PRSS3: variants seen among roughly 807,000 people sequenced by gnomAD.
The protein encoded by PRSS3 is trypsin-3.
In PRSS3, 14 loss-of-function variants were observed where a neutral mutation model predicts 20.8. That is an observed-to-expected ratio of 0.67 (90% CI 0.44 to 1.05). The LOEUF (loss-of-function observed/expected upper bound fraction) is 1.05, where lower values mean the gene tolerates loss of function less well. Ranked by LOEUF, PRSS3 falls within the 50% of genes least tolerant of loss-of-function variation. The pLI is 0.00. For missense variants in PRSS3, 237 were observed against 306.4 expected, an observed-to-expected ratio of 0.77 and a Z score of 1.69; for synonymous variants, 91 against 117.6, an observed-to-expected ratio of 0.77 and a Z score of 1.46.
At chr9:33,761,047 G>A (rs751092292) in intron 1 of PRSS3, among the ~76,000 whole-genome samples, 1 of 152,322 alleles carries the variant, frequency 6.6e-6, no homozygotes, top group African/African-American at 2.4e-5. Flanking sequence ...TGTGCTATGC[G>A]CTAGGACTGC....
At position 33,775,412 on chromosome 9, in the gene PRSS3, T is replaced by C. The variant is rs376577006; in HGVS notation, c.-52-19334T>C. On this transcript the variant is annotated intron_variant, in intron 1 of 5. Coordinates refer to the PRSS3 transcript ENST00000342836. ...TAACATGGGAATGAACACTTGGAAATGAGCAGGACAAATCCACAGCTTCGC... is the reference window on the plus strand; with the variant it reads ...TAACATGGGAATGAACACTTGGAAACGAGCAGGACAAATCCACAGCTTCGC... Among the ~76,000 whole-genome samples, 4 of 152,176 alleles carry C rather than the reference T, an allele frequency of 2.6e-5. No homozygotes were observed. In the South Asian group the frequency reaches 8.3e-4, roughly 32 times the overall value.
chr9:33,768,569 C>T (rs1191189491), intron 1 of PRSS3, among the ~76,000 whole-genome samples: 8 of 150,400 alleles, frequency 5.3e-5, no homozygotes, highest in Admixed American at 1.3e-4. Flanking sequence ...AGAGAAAGCA[C>T]CTATCAGCTG....
At chr9:33,770,313 C>T (rs1823627664) in intron 1 of PRSS3, among the ~76,000 whole-genome samples, 1 of 152,172 alleles carries the variant, frequency 6.6e-6, no homozygotes. Context: ...TAAAGGTTCA[C>T]AGCTGGAGAA....
intron 1 of PRSS3, among the ~76,000 whole-genome samples, chr9:33,755,501 T>G (rs1305079466): frequency 6.6e-6 from 1 of 152,198 alleles, no homozygotes. Flanking sequence ...GATGACGGTT[T>G]GCTCCTTTAC....
chr9:33,750,965 T>A lies in PRSS3; in HGVS notation c.-53+238T>A. The A allele has an allele frequency of 9.9e-7, 1 of 1,009,054 alleles. No individual in the cohort carries two copies. The highest frequency in any genetic ancestry group is 1.3e-6 in the Non-Finnish European group (1 of 766,892). The allele number at this position is 1,009,054 out of a possible 1,614,324, so 62.5% of individuals were successfully genotyped here. On this transcript the variant is annotated intron_variant, in intron 1 of 5. Coordinates refer to the PRSS3 transcript ENST00000342836. This position sits in a 1 kb window ranked among gnomAD's most constrained non-coding sequence, Gnocchi z 4.8. Reference sequence around the variant, plus strand: ...GGCCCTGGTGTCGCAGAAGCCCACCTGGGGCCCCCTCCGGGCTGCGGCACC... The same window carrying A: ...GGCCCTGGTGTCGCAGAAGCCCACCAGGGGCCCCCTCCGGGCTGCGGCACC...
Position 33,775,685 on chromosome 9 carries a change from T to G in PRSS3, c.-52-19061T>G, listed in dbSNP as rs546557550. On this transcript the variant is annotated intron_variant, in intron 1 of 5. Transcript: ENST00000342836. ...CAGATCAACTAACAGGGGCTGGAAATGCAATGGGCTTGAAGTTTTTTTTTT... is the reference window on the plus strand; with the variant it reads ...CAGATCAACTAACAGGGGCTGGAAAGGCAATGGGCTTGAAGTTTTTTTTTT... Among the ~76,000 whole-genome samples the G allele has an allele frequency of 4.0e-5, 6 of 150,118 alleles. 1 individual carries two copies. In the East Asian group the frequency reaches 7.8e-4, roughly 20 times the overall value.
rs142082180 is a variant in PRSS3, at chr9:33,797,911, C to G, written c.283C>G (p.Arg95Gly). The change falls in exon 3 of 5, where the codon CGC becomes GGC. Residue 95 changes from arginine to glycine, a missense_variant. By Grantham distance (125) the Arg-to-Gly change is moderately radical. Coordinates refer to ENST00000379405, the MANE Select transcript of PRSS3 (RefSeq NM_002771.4). ...EQFINAAKII[R>G]HPKYNRDTLD... Reference sequence around the variant, plus strand: ...GTTCATCAATGCGGCCAAGATCATCCGCCACCCTAAATACAACAGGGACAC... The same window carrying G: ...GTTCATCAATGCGGCCAAGATCATCGGCCACCCTAAATACAACAGGGACAC... 6.2e-7 allele frequency: 1 copy of G among 1,614,154 alleles called. No homozygotes were observed. The highest frequency in any genetic ancestry group is 1.7e-5 in the Admixed American group (1 of 60,032).
intron 1 of PRSS3, among the ~76,000 whole-genome samples, chr9:33,776,260 T>G (rs1208217765): frequency 1.3e-5 from 2 of 151,748 alleles, no homozygotes; most frequent in Admixed American, 6.6e-5. Flanking sequence ...GAGAAAAAAA[T>G]GAAGACAAAT....
At chr9:33,776,123 G>C (rs1823911755) in intron 1 of PRSS3, among the ~76,000 whole-genome samples, 1 of 152,214 alleles carries the variant, frequency 6.6e-6, no homozygotes, top group Non-Finnish European at 1.5e-5. Flanking sequence ...GGAAATTCTG[G>C]AGTTGGAAGG....
At chr9:33,765,207 G>A (rs954566168) in intron 1 of PRSS3, among the ~76,000 whole-genome samples, 1 of 152,146 alleles carries the variant, frequency 6.6e-6, no homozygotes, top group African/African-American at 2.4e-5. Context: ...TAAAACCGTG[G>A]ATAGTTAGTG....
chr9:33,762,817 T>C (rs1296821817), intron 1 of PRSS3, among the ~76,000 whole-genome samples: 1 of 152,190 alleles, frequency 6.6e-6, no homozygotes, highest in South Asian at 2.1e-4. Context: ...TCAAAATATA[T>C]TCTTCCAGGA....
At chr9:33,777,105 T>TA (rs1461698095) in intron 1 of PRSS3, among the ~76,000 whole-genome samples, 1 of 151,994 alleles carries the variant, frequency 6.6e-6, no homozygotes, top group African/African-American at 2.4e-5. Flanking sequence ...TTTTTCCTTT[T>TA]AAAAAAGCGA....
chr9:33,784,706 G>A (rs1360823340), intron 1 of PRSS3, among the ~76,000 whole-genome samples: 1 of 152,142 alleles, frequency 6.6e-6, no homozygotes, highest in Admixed American at 6.5e-5. Context: ...AATAAGATAG[G>A]TGAGTTTTTG....
At chr9:33,790,086 C>A (rs897441262) in intron 1 of PRSS3, among the ~76,000 whole-genome samples, 1 of 152,106 alleles carries the variant, frequency 6.6e-6, no homozygotes, top group African/African-American at 2.4e-5. Context: ...CTAGCAATTC[C>A]TTCCTCAAGA....
intron 1 of PRSS3, among the ~76,000 whole-genome samples, chr9:33,779,451 G>A (rs1294747438): frequency 1.3e-5 from 2 of 152,190 alleles, no homozygotes; most frequent in African/African-American, 2.4e-5. Context: ...CAATTCTGCT[G>A]TAAATTCTGC....
At chr9:33,751,940 A>G (rs1165799527) in intron 1 of PRSS3, among the ~76,000 whole-genome samples, 1 of 152,110 alleles carries the variant, frequency 6.6e-6, no homozygotes, top group Non-Finnish European at 1.5e-5. Flanking sequence ...CTGGGAAAAG[A>G]TATGGAACTG....
chr9:33,796,064 G>A (rs927822462), intron 1 of PRSS3, among the ~76,000 whole-genome samples: 12 of 152,230 alleles, frequency 7.9e-5, no homozygotes, highest in African/African-American at 2.9e-4. Flanking sequence ...AGCTTCCCAG[G>A]TGATTTTTAA....
chr9:33,752,638 A>G (rs1256809254), intron 1 of PRSS3, among the ~76,000 whole-genome samples: 1 of 152,156 alleles, frequency 6.6e-6, no homozygotes, highest in East Asian at 1.9e-4. Flanking sequence ...ACTTTCTTTG[A>G]ACTCTTAAGC....
At chr9:33,788,331 T>A (rs781602859) in intron 1 of PRSS3, among the ~76,000 whole-genome samples, 11 of 152,238 alleles carry the variant, frequency 7.2e-5, no homozygotes, top group Non-Finnish European at 1.3e-4. Flanking sequence ...TTTGAAAAGT[T>A]GCTCCTGGCT....
Sources: gnomAD v4.1 joint callset for allele counts (sites outside exome capture counted in the v4.1 genomes callset) on GRCh38, gnomAD v4.1.1 for gene constraint, Gnocchi (gnomAD v3.1) non-coding constraint, MANE v1.5 for transcripts, NCBI Gene and HGNC (gene_info 2026-07-23, HGNC 2026-07-21) for gene names.